The following CCDC85A variants were observed in gnomAD, a reference collection of about 807,000 sequenced individuals.
The protein encoded by CCDC85A is coiled-coil domain containing 85A.
CCDC85A carries 38 observed loss-of-function variants against 50.2 expected under a neutral mutation model. The observed-to-expected ratio is 0.76, with a 90% CI of 0.58 to 0.99. The LOEUF (loss-of-function observed/expected upper bound fraction) is 0.99. Ranked by LOEUF, CCDC85A falls within the 50% of genes least tolerant of loss-of-function variation. The pLI is 0.00. For missense variants in CCDC85A, 820 were observed against 742.0 expected (o/e 1.11, Z -1.22); for synonymous variants, 366 against 301.4 (o/e 1.21, Z -2.22).
At chr2:56,293,315 A>T (rs1205145024) in intron 2 of CCDC85A, among the ~76,000 whole-genome samples, 1 of 152,214 alleles carries the variant, frequency 6.6e-6, no homozygotes, top group African/African-American at 2.4e-5. Flanking sequence ...TACACCATAT[A>T]CAAAAATTAA....
chr2:56,303,688 T>C (rs1166463895), intron 2 of CCDC85A, among the ~76,000 whole-genome samples: 2 of 152,218 alleles, frequency 1.3e-5, no homozygotes, highest in African/African-American at 2.4e-5. Flanking sequence ...ATAGTGCAGA[T>C]GAGAAACTAC....
intron 2 of CCDC85A, among the ~76,000 whole-genome samples, chr2:56,222,967 T>C (rs779663539): frequency 9.2e-5 from 14 of 152,146 alleles, no homozygotes; most frequent in Non-Finnish European, 1.8e-4. Context: ...CAATGATAGT[T>C]TTACCTATCT....
intron 2 of CCDC85A, among the ~76,000 whole-genome samples, chr2:56,333,488 A>G (rs1479270930): frequency 6.6e-6 from 1 of 152,194 alleles, no homozygotes; most frequent in Non-Finnish European, 1.5e-5. Flanking sequence ...TGGACTTTTT[A>G]AGAACTTTGG....
At chr2:56,380,161 T>C (rs954219682) in intron 5 of CCDC85A, among the ~76,000 whole-genome samples, 7 of 152,182 alleles carry the variant, frequency 4.6e-5, no homozygotes, top group African/African-American at 7.2e-5. Context: ...GTTTCTATTT[T>C]ATACTTCTAA....
chr2:56,193,509 A>G, intron 2 of CCDC85A, 69 bp downstream of exon 2: 1 of 1,471,208 alleles, frequency 6.8e-7, no homozygotes, highest in Non-Finnish European at 9.0e-7. Context: ...ATGATGATGG[A>G]CTTTCCAGCC....
chr2:56,192,997 G>A lies in CCDC85A; in HGVS notation c.797G>A (p.Gly266Glu), dbSNP rs1644559122. ...CATCCACAGAAACCCAGAGCCTGTG[G>A]AACCCCAGATCGCCCCAAAGCACTC... is the stretch of plus-strand genomic sequence containing the variant. Reference protein sequence around the residue: ...PEHPQKPRACGTPDRPKALKG... With the variant: ...PEHPQKPRACETPDRPKALKG... The change falls in exon 2 of 6, where the codon GGA (glycine) becomes GAA (glutamate). Residue 266 changes from glycine to glutamate, a missense_variant. By Grantham distance (98) the Gly-to-Glu change is moderately conservative (BLOSUM62 -2). Coordinates refer to ENST00000407595, the MANE Select transcript of CCDC85A (RefSeq NM_001080433.2). This position sits in a 1 kb window ranked among gnomAD's most constrained non-coding sequence, Gnocchi z 4.7. 2 of 1,613,690 alleles carry A rather than the reference G, an allele frequency of 1.2e-6. No individual in the cohort carries two copies. Among genetic ancestry groups the A allele is most frequent in the Non-Finnish European group, 8.5e-7 (1 of 1,179,860 alleles).
intron 2 of CCDC85A, among the ~76,000 whole-genome samples, chr2:56,333,392 G>T (rs540329995): frequency 1.4e-4 from 21 of 152,298 alleles, no homozygotes; most frequent in Admixed American, 2.6e-4. Context: ...TGGTGTTCAG[G>T]AACAGAAAGG....
chr2:56,382,435 G>C (rs745464236), intron 5 of CCDC85A, among the ~76,000 whole-genome samples: 5 of 152,078 alleles, frequency 3.3e-5, no homozygotes, highest in Non-Finnish European at 5.9e-5. Flanking sequence ...ATGTGGGTTA[G>C]TATGTAGTTA....
intron 2 of CCDC85A, among the ~76,000 whole-genome samples, chr2:56,312,316 G>T (rs868159758): frequency 6.6e-6 from 1 of 152,054 alleles, no homozygotes; most frequent in Non-Finnish European, 1.5e-5. Flanking sequence ...CGTGGACTGT[G>T]TTGGAACGCC....
chr2:56,291,682 T>C (rs1482575780), intron 2 of CCDC85A, among the ~76,000 whole-genome samples: 2 of 151,624 alleles, frequency 1.3e-5, no homozygotes, highest in African/African-American at 2.4e-5. Context: ...AAGGGACACA[T>C]AGCATGAAAG....
chr2:56,351,666 G>T (rs1351345495), intron 3 of CCDC85A, among the ~76,000 whole-genome samples: 2 of 146,566 alleles, frequency 1.4e-5, no homozygotes, highest in Admixed American at 1.4e-4. Flanking sequence ...AGAAGTGTCT[G>T]TTCATGTCCT....
chr2:56,281,815 A>G (rs983077726), intron 2 of CCDC85A, among the ~76,000 whole-genome samples: 3 of 152,148 alleles, frequency 2.0e-5, no homozygotes, highest in Non-Finnish European at 2.9e-5. Flanking sequence ...TTTCAAAGCT[A>G]TATACATATT....
chr2:56,362,581 C>A (rs568528932), intron 3 of CCDC85A, among the ~76,000 whole-genome samples: 1 of 151,556 alleles, frequency 6.6e-6, no homozygotes, highest in African/African-American at 2.4e-5. Context: ...AAAGAGAGAC[C>A]CAATTAGCTT....
At chr2:56,315,434 T>G (rs1672878056) in intron 2 of CCDC85A, among the ~76,000 whole-genome samples, 1 of 152,164 alleles carries the variant, frequency 6.6e-6, no homozygotes, top group Non-Finnish European at 1.5e-5. Flanking sequence ...ATTTTGAGAC[T>G]GAAAATATTT....
chr2:56,314,078 T>C (rs916385700), intron 2 of CCDC85A, among the ~76,000 whole-genome samples: 1 of 147,238 alleles, frequency 6.8e-6, no homozygotes, highest in Non-Finnish European at 1.5e-5. Context: ...GGAGTTGAGA[T>C]TGGATCTAGT....
rs1676371978 is a variant in CCDC85A, at chr2:56,193,103, C to T, written c.903C>T (p.Ser301=). ...EQQRHPHPGS[S]PETLPKHVLS... ...AAAGGCACCCGCATCCAGGGAGCAGCCCCGAAACGCTGCCCAAGCACGTGC... is the reference window on the plus strand; with the variant it reads ...AAAGGCACCCGCATCCAGGGAGCAGTCCCGAAACGCTGCCCAAGCACGTGC... Residue 301 remains serine, a synonymous_variant, in exon 2 of 6, where the codon AGC becomes AGT. Transcript: ENST00000407595. 6.2e-7 allele frequency: 1 copy of T among 1,613,858 alleles called. No homozygotes were observed. Among genetic ancestry groups the T allele is most frequent in the Non-Finnish European group, 8.5e-7 (1 of 1,179,858 alleles).
At chr2:56,297,054 T>C (rs778741626) in intron 2 of CCDC85A, among the ~76,000 whole-genome samples, 2 of 152,162 alleles carry the variant, frequency 1.3e-5, no homozygotes, top group Non-Finnish European at 2.9e-5. Flanking sequence ...TTCTGAAAAA[T>C]GAACATGAGA....
At chr2:56,306,264 C>T (rs898957732) in intron 2 of CCDC85A, among the ~76,000 whole-genome samples, 5 of 152,092 alleles carry the variant, frequency 3.3e-5, no homozygotes, top group Middle Eastern at 3.4e-3. Flanking sequence ...CAAGTAGCTG[C>T]GATTACAAGT....
Position 56,255,433 on chromosome 2 carries a change from T to C in CCDC85A, c.1240+61993T>C, listed in dbSNP as rs886719139. Among the ~76,000 whole-genome samples, 8 of 151,930 alleles carry C rather than the reference T, an allele frequency of 5.3e-5. No individual in the cohort carries two copies. The East Asian group carries it at 1.5e-3, about 29-fold the overall frequency. On this transcript the variant is annotated intron_variant, in intron 2 of 5. Transcript: ENST00000407595. Reference sequence around the variant, plus strand: ...ACCATTCACAAGGTTGAGGAAGGGATAGACAGGGTGATAAGTAAAAGATGG... The same window carrying C: ...ACCATTCACAAGGTTGAGGAAGGGACAGACAGGGTGATAAGTAAAAGATGG...
Sources: allele counts gnomAD v4.1 joint callset (sites outside exome capture counted in the v4.1 genomes callset), GRCh38; gene constraint gnomAD v4.1.1; non-coding constraint Gnocchi (gnomAD v3.1); transcripts MANE v1.5; gene names NCBI Gene and HGNC (gene_info 2026-07-23, HGNC 2026-07-21).